IGLL1: variants seen among roughly 807,000 people sequenced by gnomAD.
IGLL1 encodes the protein immunoglobulin lambda like polypeptide 1, also known as immunoglobulin lambda-like polypeptide 1.
Under a neutral mutation model 10.5 loss-of-function variants are expected in IGLL1, and 10 were observed. That is an observed-to-expected ratio of 0.95 (90% CI 0.59 to 1.62). The LOEUF (loss-of-function observed/expected upper bound fraction) is 1.62. Ranked by LOEUF, IGLL1 falls within the 40% of genes most tolerant of loss-of-function variation. IGLL1 has a pLI of 0.00. For missense variants in IGLL1, 284 were observed against 278.7 expected (o/e 1.02, Z -0.14); for synonymous variants, 141 against 122.7 (o/e 1.15, Z -0.99).
Position 23,575,070 on chromosome 22 carries a change from C to G in IGLL1, c.219G>C (p.Gln73His). 6.2e-7 allele frequency: 1 copy of G among 1,613,742 alleles called. No individual in the cohort carries two copies. The highest frequency in any genetic ancestry group is 8.5e-7 in the Non-Finnish European group (1 of 1,179,648). The change falls in exon 2 of 3, where the codon CAG (glutamine) becomes CAC (histidine). Residue 73 changes from glutamine to histidine, a missense_variant. By Grantham distance (24) the Gln-to-His change is conservative (BLOSUM62 0). Coordinates refer to ENST00000330377, the MANE Select transcript of IGLL1 (RefSeq NM_020070.4). ...ACCTGGGGCCAGTCCAGGAGCCGCG[C>G]TGGAGCAGGAACCTGCTGGGAGTGA... ...LRSRWGRFLL[Q>H]RGSWTGPRCW...
In IGLL1 at chr22:23,573,574, C is replaced by T. The variant is rs149986237; in HGVS notation, c.334G>A (p.Ala112Thr). ...TQLTVLSQPK[A>T]TPSVTLFPPS... The stretch of plus-strand genomic sequence containing the variant: ...GGGAACAGAGTGACCGAGGGGGTGG[C>T]CTTGGGCTGACCTGTGTGGACAGAG... The change falls in exon 3 of 3, where the codon GCC becomes ACC. Residue 112 changes from alanine to threonine, a missense_variant. Physicochemically the swap from Ala to Thr is moderately conservative, Grantham distance 58. Coordinates refer to ENST00000330377, the MANE Select transcript of IGLL1 (RefSeq NM_020070.4). 1.4e-3 allele frequency: 2,246 copies of T among 1,612,964 alleles called. 3 individuals are homozygous for T. Among genetic ancestry groups the T allele is most frequent in the East Asian group, 2.4e-3 (109 of 44,870 alleles).
chr22:23,577,967 C>T (rs1602292207), intron 1 of IGLL1, among the ~76,000 whole-genome samples: 1 of 151,508 alleles, frequency 6.6e-6, no homozygotes, highest in South Asian at 2.1e-4. Flanking sequence ...TCACTGCAAC[C>T]TCCACCTCCC....
intron 2 of IGLL1, among the ~76,000 whole-genome samples, chr22:23,574,436 G>A (rs929367041): frequency 5.3e-5 from 8 of 152,198 alleles, no homozygotes; most frequent in East Asian, 1.9e-4. Flanking sequence ...GACCTCATCC[G>A]TTCCTCTGTG....
chr22:23,575,142 G>C, intron 1 of IGLL1, 60 bp from the exon 2 acceptor site: 1 of 1,223,614 alleles, frequency 8.2e-7, no homozygotes, highest in South Asian at 1.2e-5. Context: ...GCACAGGGTA[G>C]GGGGGTGGCC....
intron 1 of IGLL1, 61 bp downstream of exon 1, chr22:23,579,924 T>C (rs886499067): frequency 7.0e-6 from 10 of 1,433,110 alleles, no homozygotes; most frequent in African/African-American, 2.8e-5. Context: ...CTCCCCTTGG[T>C]CATCCTTTCC....
At chr22:23,578,561 C>G (rs190594431) in intron 1 of IGLL1, among the ~76,000 whole-genome samples, 3 of 152,186 alleles carry the variant, frequency 2.0e-5, no homozygotes, top group Non-Finnish European at 2.9e-5. Flanking sequence ...TGGGTCAGGT[C>G]GGCTGCCACT....
chr22:23,577,123 T>A (rs1240303075), intron 1 of IGLL1, among the ~76,000 whole-genome samples: 1 of 152,148 alleles, frequency 6.6e-6, no homozygotes, highest in African/African-American at 2.4e-5. Context: ...CTATTAAAAA[T>A]AGTACAGGCT....
chr22:23,574,708 C>A (rs1043988512), intron 2 of IGLL1, among the ~76,000 whole-genome samples: 2 of 152,160 alleles, frequency 1.3e-5, no homozygotes, highest in Non-Finnish European at 2.9e-5. Context: ...GGGGAGGAGC[C>A]CTGACCCCGC....
rs1445271504 is a variant in IGLL1, at chr22:23,580,230, G to A, written c.-40C>T. ...AGAGGTCCTTGTGGCCTGACTTGCA[G>A]TGTGGGCTCCCTAGAGAGTGGTGCC... On this transcript the variant is annotated 5_prime_UTR_variant, in exon 1 of 3. Transcript: ENST00000330377. The A allele has an allele frequency of 6.5e-7, 1 of 1,534,974 alleles. No homozygotes were observed. The highest frequency in any genetic ancestry group is 8.7e-7 in the Non-Finnish European group (1 of 1,146,538).
In IGLL1 at chr22:23,578,310, C is replaced by T. The variant is rs373664459; in HGVS notation, c.206+1675G>A. 1.6e-4 allele frequency among the ~76,000 whole-genome samples: 24 copies of T among 152,312 alleles called. No homozygotes were observed. The East Asian group carries it at 3.5e-3, about 22-fold the overall frequency. Reference sequence around the variant, plus strand: ...TCACCCGTCCCTTGTGGAGACCCCTCGGGCCTTCCCCATCCCAGTCTCTGT... The same window carrying T: ...TCACCCGTCCCTTGTGGAGACCCCTTGGGCCTTCCCCATCCCAGTCTCTGT... On this transcript the variant is annotated intron_variant, in intron 1 of 2. Transcript: ENST00000330377.
At chr22:23,574,844 G>T in intron 2 of IGLL1, 123 bp downstream of exon 2, 1 of 748,508 alleles carries the variant, frequency 1.3e-6, no homozygotes. Context: ...CAGGCCCCAT[G>T]GACAAAGGTA....
intron 2 of IGLL1, among the ~76,000 whole-genome samples, 192 bp downstream of exon 2, chr22:23,574,775 C>T (rs1241546560): frequency 6.6e-6 from 1 of 152,140 alleles, no homozygotes; most frequent in Non-Finnish European, 1.5e-5. Context: ...AACCTGAAGG[C>T]GGCTGCTCCC....
In IGLL1 at chr22:23,573,262, G is replaced by A; in HGVS notation, c.*4C>T. On this transcript the variant is annotated 3_prime_UTR_variant, in exon 3 of 3. Coordinates refer to ENST00000330377, the MANE Select transcript of IGLL1 (RefSeq NM_020070.4). The stretch of plus-strand genomic sequence containing the variant: ...CCCCTTTGGGTGGGGTCGGGGCTGG[G>A]AACCTATGAACATTCTGCAGGGGCC... 1 of 1,613,888 alleles carries A rather than the reference G, an allele frequency of 6.2e-7. No individual in the cohort carries two copies. The highest frequency in any genetic ancestry group is 8.5e-7 in the Non-Finnish European group (1 of 1,179,868).
rs368706509 is a variant in IGLL1 at position 23,575,068 on chromosome 22, C to T, written c.221G>A (p.Arg74His). The T allele has an allele frequency of 7.3e-5, 118 of 1,613,688 alleles. No individual in the cohort carries two copies. The highest frequency in any genetic ancestry group is 9.0e-5 in the Non-Finnish European group (106 of 1,179,630). ...GCACCTGGGGCCAGTCCAGGAGCCGCGCTGGAGCAGGAACCTGCTGGGAGT... is the reference window on the plus strand; with the variant it reads ...GCACCTGGGGCCAGTCCAGGAGCCGTGCTGGAGCAGGAACCTGCTGGGAGT... ...RSRWGRFLLQ[R>H]GSWTGPRCWP... The change falls in exon 2 of 3, where the codon CGC (arginine) becomes CAC (histidine). Residue 74 changes from arginine to histidine, a missense_variant. By Grantham distance (29) the Arg-to-His change is conservative (BLOSUM62 0). Transcript: ENST00000330377.
intron 1 of IGLL1, among the ~76,000 whole-genome samples, chr22:23,579,287 C>T (rs1925216731): frequency 6.6e-6 from 1 of 152,080 alleles, no homozygotes. Flanking sequence ...ATAAATGGAC[C>T]CCGATGCTTG....
chr22:23,579,178 G>A (rs1353596561), intron 1 of IGLL1, among the ~76,000 whole-genome samples: 1 of 151,736 alleles, frequency 6.6e-6, no homozygotes, highest in Non-Finnish European at 1.5e-5. Flanking sequence ...AGCAGGACCT[G>A]CCTATGGGGC....
At chr22:23,574,689 C>T (rs1602288831) in intron 2 of IGLL1, among the ~76,000 whole-genome samples, 2 of 152,154 alleles carry the variant, frequency 1.3e-5, no homozygotes, top group East Asian at 1.9e-4. Context: ...AGACATCTGC[C>T]CTGGGAGAGG....
rs776278956 is a variant in IGLL1, at chr22:23,573,259, T to C, written c.*7A>G. On this transcript the variant is annotated 3_prime_UTR_variant, in exon 3 of 3. Transcript: ENST00000330377. ...AGGCCCCTTTGGGTGGGGTCGGGGC[T>C]GGGAACCTATGAACATTCTGCAGGG... The C allele has an allele frequency of 5.6e-6, 9 of 1,613,854 alleles. No homozygotes were observed. The highest frequency in any genetic ancestry group is 3.3e-5 in the Admixed American group (2 of 60,014).
chr22:23,579,189 C>T (rs1300266433), intron 1 of IGLL1, among the ~76,000 whole-genome samples: 2 of 152,038 alleles, frequency 1.3e-5, no homozygotes, highest in Admixed American at 6.6e-5. Context: ...CCTATGGGGC[C>T]ACCGAGAGGG....
Sources: gnomAD v4.1 joint callset for allele counts (sites outside exome capture counted in the v4.1 genomes callset) on GRCh38, gnomAD v4.1.1 for gene constraint, MANE v1.5 for transcripts, NCBI Gene and HGNC (gene_info 2026-07-23, HGNC 2026-07-21) for gene names.